ZNF800: variants seen among roughly 807,000 people sequenced by gnomAD.
ZNF800 encodes zinc finger protein 800.
In ZNF800, 13 loss-of-function variants were observed where a neutral mutation model predicts 59.5. The ratio of observed to expected loss-of-function variants is 0.22; its 90% CI spans 0.14 to 0.35. The LOEUF (loss-of-function observed/expected upper bound fraction) is 0.35, where lower values mean the gene tolerates loss of function less well. ZNF800 is among the 10% of genes least tolerant of loss of function. The probability of loss-of-function intolerance (pLI) is 1.00; values close to 1 mark genes in which losing one functional copy is unlikely to be tolerated. For missense variants in ZNF800, 621 were observed against 783.7 expected (o/e 0.79, Z 2.48); for synonymous variants, 266 against 265.7 (o/e 1.00, Z -0.01).
chr7:127,388,982 C>A (rs114547417), intron 2 of ZNF800, among the ~76,000 whole-genome samples: 2,295 of 152,206 alleles, frequency 0.015, 65 homozygotes, highest in African/African-American at 0.053. Flanking sequence ...AAAAAAAAAT[C>A]TTTCTCCAAC....
intron 4 of ZNF800, among the ~76,000 whole-genome samples, chr7:127,376,662 A>G (rs1800794804): frequency 1.3e-5 from 2 of 152,018 alleles, no homozygotes; most frequent in South Asian, 4.1e-4. Context: ...TCTTCAAATC[A>G]AGACCTAGAA....
At position 127,371,527 on chromosome 7, in the gene ZNF800, G is replaced by C. The variant is rs1380057741; in HGVS notation, c.*287C>G. ...AAACAAAATTTGTAACATTTTTGTA[G>C]AAACTGTCGACCAAATGCACAAGGT... On this transcript the variant is annotated 3_prime_UTR_variant, in exon 6 of 6. Transcript: ENST00000265827. 6.7e-6 allele frequency: 2 copies of C among 297,530 alleles called. No homozygotes were observed. The highest frequency in any genetic ancestry group is 5.1e-5 in the Admixed American group (1 of 19,686). The allele number at this position is 297,530 out of a possible 1,614,324, so 18.4% of individuals were successfully genotyped here.
chr7:127,388,466 C>T (rs1168831869), intron 2 of ZNF800, among the ~76,000 whole-genome samples: 3 of 152,142 alleles, frequency 2.0e-5, no homozygotes, highest in African/African-American at 7.2e-5. Context: ...CTGTAAAAAA[C>T]TAAATGCTTC....
chr7:127,353,406 GT>G (rs1800206222), intron 1 of ZNF800, among the ~76,000 whole-genome samples: 1 of 150,530 alleles, frequency 6.6e-6, no homozygotes, highest in Non-Finnish European at 1.5e-5. Flanking sequence ...TGTGTTCAGG[GT>G]TGAGGATAAC....
intron 1 of ZNF800, among the ~76,000 whole-genome samples, chr7:127,359,606 G>A (rs1313097833): frequency 2.6e-5 from 4 of 152,098 alleles, no homozygotes; most frequent in Non-Finnish European, 5.9e-5. Flanking sequence ...GTAATCTTCA[G>A]AGTTGAGTGT....
In ZNF800 at chr7:127,376,402, C is replaced by A. The variant is rs552311144; in HGVS notation, c.301+784G>T. ...CCATAAACAAGAAAGAATAAGGTAG[C>A]CCAATATTGAATTTTTTTAAATTTA... On this transcript the variant is annotated intron_variant, in intron 4 of 5. Coordinates refer to ENST00000265827, the MANE Select transcript of ZNF800 (RefSeq NM_176814.5). 1.9e-3 allele frequency among the ~76,000 whole-genome samples: 282 copies of A among 151,852 alleles called. 3 individuals carry two copies. The highest frequency in any genetic ancestry group is 2.6e-3 in the Non-Finnish European group (175 of 67,760).
At chr7:127,386,988 T>C (rs1450482798) in intron 2 of ZNF800, among the ~76,000 whole-genome samples, 1 of 152,050 alleles carries the variant, frequency 6.6e-6, no homozygotes, top group Non-Finnish European at 1.5e-5. Context: ...GTTTGCTTTC[T>C]GCCTCACACT....
intron 1 of ZNF800, among the ~76,000 whole-genome samples, chr7:127,358,074 T>C (rs1293985472): frequency 2.0e-5 from 3 of 151,980 alleles, no homozygotes; most frequent in Non-Finnish European, 2.9e-5. Context: ...GGGCAATTTC[T>C]CTCCTGACCT....
Position 127,392,400 on chromosome 7 carries a change from A to G in ZNF800, c.-399T>C. The G allele has an allele frequency of 2.6e-6, 1 of 379,476 alleles. No homozygotes were observed. The highest frequency in any genetic ancestry group is 2.1e-5 in the African/African-American group (1 of 47,974). 23.5% of individuals were successfully genotyped at this position (379,476 alleles called of 1,614,324 possible). Reference sequence around the variant, plus strand: ...CAGCTGCCGCCGCCACCACCGAAGGAGCCGGAACCGGAGCGGGCAGGACCT... The same window carrying G: ...CAGCTGCCGCCGCCACCACCGAAGGGGCCGGAACCGGAGCGGGCAGGACCT... On this transcript the variant is annotated 5_prime_UTR_variant, in exon 1 of 6. Transcript: ENST00000265827.
At chr7:127,358,157 C>G (rs1800311974) in intron 1 of ZNF800, among the ~76,000 whole-genome samples, 1 of 151,924 alleles carries the variant, frequency 6.6e-6, no homozygotes, top group Non-Finnish European at 1.5e-5. Flanking sequence ...CTCAACATAC[C>G]TAAAACTTAA....
downstream of ZNF800, among the ~76,000 whole-genome samples, chr7:127,368,661 A>C (rs1800561873): frequency 1.3e-5 from 2 of 152,068 alleles, no homozygotes; most frequent in South Asian, 4.1e-4. Context: ...TTGCAACTTC[A>C]CAACAGGGAA....
intron 1 of ZNF800, chr7:127,364,005 T>C (rs1306096051): frequency 2.0e-5 from 3 of 152,146 alleles, no homozygotes; most frequent in Non-Finnish European, 4.4e-5. Context: ...CTGAGCTTTA[T>C]GTAATTGTAT....
At chr7:127,375,395 C>A (rs1800763424) in intron 4 of ZNF800, among the ~76,000 whole-genome samples, 1 of 151,966 alleles carries the variant, frequency 6.6e-6, no homozygotes, top group Non-Finnish European at 1.5e-5. Context: ...AACTCAAATT[C>A]TCGTAACTCA....
chr7:127,375,615 T>A (rs1228142939), intron 4 of ZNF800, among the ~76,000 whole-genome samples: 1 of 152,106 alleles, frequency 6.6e-6, no homozygotes, highest in Non-Finnish European at 1.5e-5. Flanking sequence ...TCCTATTACA[T>A]GTCTTCTTAA....
chr7:127,363,335 T>C (rs1800434239), intron 1 of ZNF800: 2 of 148,762 alleles, frequency 1.3e-5, no homozygotes, highest in Admixed American at 6.7e-5. Context: ...TCACTAAGAG[T>C]ATATAAAAAG....
downstream of ZNF800, among the ~76,000 whole-genome samples, chr7:127,365,925 GTAA>G (rs879421183): frequency 6.6e-6 from 1 of 152,108 alleles, no homozygotes; most frequent in Non-Finnish European, 1.5e-5. Context: ...CACTACGACA[GTAA>G]TAATATTTAC....
At position 127,392,329 on chromosome 7, in the gene ZNF800, G is replaced by C. The variant is rs563786774; in HGVS notation, c.-328C>G. On this transcript the variant is annotated 5_prime_UTR_variant, in exon 1 of 6. Transcript: ENST00000265827. ...GTCCTCCGCGCTGTGTGGCTAGGCG[G>C]GAGGCGCGCGGGCGGAGGCAGTTGA... The C allele has an allele frequency of 1.0e-5, 4 of 384,134 alleles. No individual in the cohort carries two copies. The highest frequency in any genetic ancestry group is 8.3e-5 in the African/African-American group (4 of 48,098). 23.8% of individuals were successfully genotyped at this position (384,134 alleles called of 1,614,324 possible).
At chr7:127,388,195 T>C (rs543804044) in intron 2 of ZNF800, among the ~76,000 whole-genome samples, 6 of 152,314 alleles carry the variant, frequency 3.9e-5, no homozygotes, top group African/African-American at 1.2e-4. Flanking sequence ...GCCTGGGACA[T>C]AGTAAGTGCT....
At position 127,391,535 on chromosome 7, in the gene ZNF800, C is replaced by G. The variant is rs542115344; in HGVS notation, c.23G>C (p.Cys8Ser). The G allele has an allele frequency of 2.2e-5, 35 of 1,614,148 alleles. No homozygotes were observed. The highest frequency in any genetic ancestry group is 2.7e-5 in the Non-Finnish European group (32 of 1,180,030). The change falls in exon 2 of 6, where the codon TGT (cysteine) becomes TCT (serine). Residue 8 changes from cysteine to serine, a missense_variant. By Grantham distance (112) the Cys-to-Ser change is moderately radical. Coordinates refer to ENST00000265827, the MANE Select transcript of ZNF800 (RefSeq NM_176814.5). ...TCCGTGATGATGGTGGTCAGTCTGA[C>G]AGTATTTGTCCCTTAAAGGCATTTT... MPLRDKY[C>S]QTDHHHHGCC...
Sources: gnomAD v4.1 joint callset for allele counts (sites outside exome capture counted in the v4.1 genomes callset) on GRCh38, gnomAD v4.1.1 for gene constraint, MANE v1.5 for transcripts, NCBI Gene and HGNC (gene_info 2026-07-23, HGNC 2026-07-21) for gene names.